PCDH10: variants seen among roughly 807,000 people sequenced by gnomAD.
PCDH10 encodes the protein protocadherin-10.
In PCDH10, 15 loss-of-function variants were observed where a neutral mutation model predicts 74.4. The ratio of observed to expected loss-of-function variants is 0.20; its 90% CI spans 0.13 to 0.31. The LOEUF is 0.31. Among genes scored for constraint, PCDH10 ranks in the 10% least tolerant of loss-of-function variants. The probability of loss-of-function intolerance (pLI) is 1.00; values close to 1 mark genes in which losing one functional copy is unlikely to be tolerated. For missense variants in PCDH10, 1,260 were observed against 1,390.2 expected (o/e 0.91, Z 1.49); for synonymous variants, 619 against 589.8 (o/e 1.05, Z -0.72).
chr4:133,150,899 C>A lies in PCDH10; in HGVS notation c.759C>A (p.Pro253=), dbSNP rs562154592. 3.7e-6 allele frequency: 6 copies of A among 1,612,574 alleles called. No individual in the cohort carries two copies. The African/African-American group carries it at 8.0e-5, about 22-fold the overall frequency. The change falls in exon 1 of 5, where the codon CCC becomes CCA. Residue 253 remains proline, a synonymous_variant. Coordinates refer to ENST00000264360, the MANE Select transcript of PCDH10 (RefSeq NM_032961.3). ...SNDNVPAFDQ[P]VYTVSLPENS... ...ACAATGTGCCCGCTTTCGACCAACC[C>A]GTCTACACTGTGTCCCTACCAGAGA... is the stretch of plus-strand genomic sequence containing the variant.
chr4:133,160,201 C>T (rs1726938992), intron 3 of PCDH10, among the ~76,000 whole-genome samples: 2 of 151,854 alleles, frequency 1.3e-5, no homozygotes, highest in South Asian at 2.1e-4. Flanking sequence ...AATAGGTACA[C>T]TTATCAATAA....
At chr4:133,183,122 A>G (rs926728703) in intron 4 of PCDH10, among the ~76,000 whole-genome samples, 2 of 152,108 alleles carry the variant, frequency 1.3e-5, no homozygotes, top group Non-Finnish European at 2.9e-5. Flanking sequence ...AGGAGCTAAT[A>G]CACTATCACT....
intron 2 of PCDH10, chr4:133,207,954 A>T (rs1337244990): frequency 6.6e-6 from 1 of 152,164 alleles, no homozygotes; most frequent in Non-Finnish European, 1.5e-5. Context: ...ACCACCTCTA[A>T]AAAAATCAAA....
At chr4:133,152,798 T>A (rs753803985) in intron 1 of PCDH10, 27 bp downstream of exon 1, 1 of 1,613,664 alleles carries the variant, frequency 6.2e-7, no homozygotes, top group Admixed American at 1.7e-5. Flanking sequence ...AGGACCACCA[T>A]CTCTCATCTC....
intron 4 of PCDH10, among the ~76,000 whole-genome samples, chr4:133,173,587 A>G (rs998807913): frequency 3.9e-5 from 6 of 152,010 alleles, no homozygotes; most frequent in Non-Finnish European, 8.8e-5. Context: ...CAAAGGAGGG[A>G]AAGGTTCAAT....
rs75593946 is a variant in PCDH10 at position 133,183,050 on chromosome 4, C to T, written c.3104-7091C>T. On this transcript the variant is annotated intron_variant, in intron 4 of 4. Transcript: ENST00000264360. ...AATGGAAAAGTTAAAAATGATTACT[C>T]TGTGTTTTTAGATATCTTCCTCAAA... Among the ~76,000 whole-genome samples, 858 of 151,980 alleles carry T rather than the reference C, an allele frequency of 5.6e-3. 12 individuals carry two copies. Among genetic ancestry groups the T allele is most frequent in the African/African-American group, 0.02 (821 of 41,496 alleles).
downstream of PCDH10, among the ~76,000 whole-genome samples, chr4:133,199,535 T>C (rs368767117): frequency 7.5e-4 from 112 of 149,938 alleles, 1 homozygote; most frequent in South Asian, 0.014. Flanking sequence ...TGTTGGTCAG[T>C]CAGCTGATGA....
intron 4 of PCDH10, among the ~76,000 whole-genome samples, chr4:133,177,710 TG>T (rs1313287067): frequency 6.6e-6 from 1 of 152,150 alleles, no homozygotes; most frequent in East Asian, 1.9e-4. Flanking sequence ...CAAATGTAAT[TG>T]TTTTTTAATC....
chr4:133,163,619 T>C (rs1050035937), intron 4 of PCDH10, among the ~76,000 whole-genome samples: 1 of 152,212 alleles, frequency 6.6e-6, no homozygotes, highest in Non-Finnish European at 1.5e-5. Flanking sequence ...GAAATATTTT[T>C]CTTTTAGTTA....
intron 2 of PCDH10, among the ~76,000 whole-genome samples, chr4:133,206,785 C>A (rs1280227145): frequency 6.6e-6 from 1 of 152,030 alleles, no homozygotes; most frequent in Admixed American, 6.6e-5. Flanking sequence ...TGAAAATAAA[C>A]TATGGACATA....
At chr4:133,180,392 A>T (rs1042949447) in intron 4 of PCDH10, among the ~76,000 whole-genome samples, 2 of 152,036 alleles carry the variant, frequency 1.3e-5, no homozygotes, top group Non-Finnish European at 2.9e-5. Flanking sequence ...TTTATGTAAC[A>T]GTTTGTATGT....
intron 4 of PCDH10, among the ~76,000 whole-genome samples, chr4:133,187,232 A>C (rs1052434520): frequency 6.6e-6 from 1 of 152,150 alleles, no homozygotes; most frequent in Admixed American, 6.6e-5. Context: ...GCAAAACTTG[A>C]ATTTGCCATG....
intron 4 of PCDH10, chr4:133,164,087 C>A: frequency 2.2e-6 from 1 of 450,452 alleles, no homozygotes; most frequent in Admixed American, 2.4e-5. Context: ...GGATTGTTTT[C>A]AGCTTTTCAA....
intron 4 of PCDH10, among the ~76,000 whole-genome samples, chr4:133,180,956 T>C (rs1295283055): frequency 1.3e-5 from 2 of 151,792 alleles, no homozygotes; most frequent in Non-Finnish European, 2.9e-5. Context: ...TCATTGCTTA[T>C]GAGTTTTCAA....
At chr4:133,172,415 T>C (rs1228129734) in intron 4 of PCDH10, among the ~76,000 whole-genome samples, 1 of 152,034 alleles carries the variant, frequency 6.6e-6, no homozygotes, top group Non-Finnish European at 1.5e-5. Flanking sequence ...TAGCAGTTTT[T>C]TTATTTTAAG....
intron 2 of PCDH10, 114 bp from the exon 3 acceptor site, chr4:133,154,803 C>G: frequency 2.8e-6 from 2 of 703,070 alleles, no homozygotes; most frequent in South Asian, 3.5e-5. Context: ...GAAACAAAGC[C>G]AACTAAGAGG....
chr4:133,172,791 G>A (rs1180536406), intron 4 of PCDH10, among the ~76,000 whole-genome samples: 1 of 151,960 alleles, frequency 6.6e-6, no homozygotes, highest in Admixed American at 6.6e-5. Flanking sequence ...AAATACCAGT[G>A]TGTGAGCAAA....
At chr4:133,168,328 C>T (rs1240791832) in intron 4 of PCDH10, among the ~76,000 whole-genome samples, 1 of 151,228 alleles carries the variant, frequency 6.6e-6, no homozygotes, top group African/African-American at 2.4e-5. Flanking sequence ...ATCAGTACTT[C>T]CCTGTGACTT....
chr4:133,152,158 C>A lies in PCDH10; in HGVS notation c.2018C>A (p.Thr673Asn). The part of the protein sequence containing the change: ...HGQPPLSSTA[T>N]LVVQLVDGAV... The stretch of plus-strand genomic sequence containing the variant: ...CAGCCGCCCCTTTCCTCCACCGCCA[C>A]CCTGGTGGTTCAGCTGGTGGATGGC... The change falls in exon 1 of 5, where the codon ACC (threonine) becomes AAC (asparagine). Residue 673 changes from threonine (T) to asparagine (N), a missense_variant. This residue lies in a region of PCDH10 where 587 missense variants were observed against 616.9 expected (regional missense o/e 0.95). Coordinates refer to ENST00000264360, the MANE Select transcript of PCDH10 (RefSeq NM_032961.3). The A allele has an allele frequency of 6.4e-7, 1 of 1,568,498 alleles. No homozygotes were observed. The highest frequency in any genetic ancestry group is 8.6e-7 in the Non-Finnish European group (1 of 1,157,586).
Sources: allele counts gnomAD v4.1 joint callset (sites outside exome capture counted in the v4.1 genomes callset), GRCh38; gene constraint gnomAD v4.1.1; regional missense constraint gnomAD v4.1.1; transcripts MANE v1.5; gene names NCBI Gene and HGNC (gene_info 2026-07-23, HGNC 2026-07-21).